ARHGEF3: variants seen among roughly 807,000 people sequenced by gnomAD.
The protein encoded by ARHGEF3 is Rho guanine nucleotide exchange factor 3.
Under a neutral mutation model 63.2 loss-of-function variants are expected in ARHGEF3, and 28 were observed. The ratio of observed to expected loss-of-function variants is 0.44; its 90% CI spans 0.33 to 0.61. The LOEUF is 0.61. ARHGEF3 is among the 20% of genes least tolerant of loss of function. The pLI is 0.03. For synonymous variants in ARHGEF3, 266 were observed against 254.2 expected, an observed-to-expected ratio of 1.05 and a Z score of -0.44; for missense variants, 533 against 659.3, an observed-to-expected ratio of 0.81 and a Z score of 2.10.
chr3:56,778,482 C>A (rs900039920), intron 1 of ARHGEF3, among the ~76,000 whole-genome samples: 1 of 152,298 alleles, frequency 6.6e-6, no homozygotes, highest in South Asian at 2.1e-4. Flanking sequence ...GTGGCTATAT[C>A]ATATTAAACA....
At chr3:56,816,109 A>G (rs1259256589) in intron 4 of ARHGEF3, among the ~76,000 whole-genome samples, 4 of 152,168 alleles carry the variant, frequency 2.6e-5, no homozygotes, top group Admixed American at 2.6e-4. Context: ...TAACTACTTT[A>G]GAAGCTGAGG....
chr3:57,014,251 A>G (rs963230009), intron 2 of ARHGEF3, among the ~76,000 whole-genome samples: 1 of 152,174 alleles, frequency 6.6e-6, no homozygotes, highest in Admixed American at 6.5e-5. Flanking sequence ...CGGACACACC[A>G]TCTTTAAGAA....
chr3:56,781,407 C>T (rs376080649), intron 1 of ARHGEF3, among the ~76,000 whole-genome samples: 24 of 150,472 alleles, frequency 1.6e-4, no homozygotes, highest in African/African-American at 4.6e-4. Flanking sequence ...CCACCATACC[C>T]GGCTAATTTT....
At chr3:57,061,574 A>G (rs1402264917) in intron 1 of ARHGEF3, among the ~76,000 whole-genome samples, 3 of 152,194 alleles carry the variant, frequency 2.0e-5, no homozygotes, top group Non-Finnish European at 4.4e-5. Flanking sequence ...CCTTTTGGCT[A>G]TTGTGAATAA....
intron 1 of ARHGEF3, among the ~76,000 whole-genome samples, chr3:57,065,415 T>C (rs914809207): frequency 2.0e-5 from 3 of 151,816 alleles, no homozygotes; most frequent in Non-Finnish European, 2.9e-5. Context: ...AAGCTGAGAT[T>C]ATGTCACTGC....
intron 3 of ARHGEF3, among the ~76,000 whole-genome samples, chr3:56,921,691 A>C (rs565903223): frequency 1.1e-4 from 17 of 152,338 alleles, no homozygotes; most frequent in Admixed American, 1.1e-3. Flanking sequence ...TATTGGACTC[A>C]AGGTGGTTCA....
At chr3:56,787,247 TGA>T (rs1453536647) in intron 1 of ARHGEF3, among the ~76,000 whole-genome samples, 2 of 152,164 alleles carry the variant, frequency 1.3e-5, no homozygotes, top group Non-Finnish European at 2.9e-5. Flanking sequence ...CCCCAACATT[TGA>T]GAGTCAAGCG....
chr3:56,744,982 C>T (rs1296357493), intron 7 of ARHGEF3, among the ~76,000 whole-genome samples: 5 of 152,162 alleles, frequency 3.3e-5, no homozygotes, highest in South Asian at 2.1e-4. Flanking sequence ...GACCTTACAG[C>T]GTGTTTCATG....
intron 1 of ARHGEF3, among the ~76,000 whole-genome samples, chr3:57,047,118 TG>T (rs112423832): frequency 5.9e-5 from 9 of 152,216 alleles, no homozygotes; most frequent in African/African-American, 2.2e-4. Context: ...GGAGCCAAGG[TG>T]GGCAGATCAC....
rs146080342 is a variant in ARHGEF3, at chr3:57,016,842, G to A, written c.62+18246C>T. ...GTCTTCTTTGTGGAGTGCAGCTGGC[G>A]GTTATGATAAGCAGGTGTCAGGACT... On this transcript the variant is annotated intron_variant, in intron 2 of 12. Transcript: ENST00000338458. 2.3e-3 allele frequency among the ~76,000 whole-genome samples: 343 copies of A among 152,086 alleles called. 4 individuals carry two copies. Among genetic ancestry groups the A allele is most frequent in the African/African-American group, 7.8e-3 (324 of 41,464 alleles).
intron 3 of ARHGEF3, among the ~76,000 whole-genome samples, chr3:56,919,812 A>G (rs2042080790): frequency 6.6e-6 from 1 of 152,244 alleles, no homozygotes; most frequent in South Asian, 2.1e-4. Flanking sequence ...ATTTAAAAAA[A>G]CTGAGACTCA....
chr3:56,905,874 CT>C (rs932529093), intron 3 of ARHGEF3, among the ~76,000 whole-genome samples: 61 of 151,070 alleles, frequency 4.0e-4, no homozygotes, highest in Non-Finnish European at 3.0e-5. Flanking sequence ...AAATTCACTT[CT>C]TTTTTTTGGA....
chr3:56,911,347 A>C (rs1170903579), intron 3 of ARHGEF3, among the ~76,000 whole-genome samples: 1 of 152,158 alleles, frequency 6.6e-6, no homozygotes, highest in Non-Finnish European at 1.5e-5. Flanking sequence ...GGGAAGCTAG[A>C]ATATGGACAG....
At chr3:57,070,877 TG>T (rs1417088381) in intron 1 of ARHGEF3, among the ~76,000 whole-genome samples, 1 of 145,306 alleles carries the variant, frequency 6.9e-6, no homozygotes, top group East Asian at 2.0e-4. Context: ...GAGGCTGAGG[TG>T]GGAGGATTGC....
At chr3:56,942,787 C>T (rs1699253077) in intron 3 of ARHGEF3, among the ~76,000 whole-genome samples, 1 of 152,132 alleles carries the variant, frequency 6.6e-6, no homozygotes, top group Admixed American at 6.6e-5. Flanking sequence ...CCAGTGAACA[C>T]ATAAAAAGAT....
chr3:56,995,361 G>C (rs1226949863), intron 2 of ARHGEF3, among the ~76,000 whole-genome samples: 2 of 151,894 alleles, frequency 1.3e-5, no homozygotes. Flanking sequence ...CTGATTTGTT[G>C]TATCAAAGAG....
In ARHGEF3 at chr3:57,013,948, C is replaced by T. The variant is rs531515421; in HGVS notation, c.62+21140G>A. Among the ~76,000 whole-genome samples, 11 of 152,322 alleles carry T rather than the reference C, an allele frequency of 7.2e-5. No individual in the cohort carries two copies. The East Asian group carries it at 1.2e-3, about 16-fold the overall frequency. ...GCAACTCTTTGGGTCAATTTCCACT[C>T]TGGGGAAGTTTTGTTCCTCTGCTCT... On this transcript the variant is annotated intron_variant, in intron 2 of 12. Coordinates refer to the ARHGEF3 transcript ENST00000338458.
chr3:56,967,096 C>CA (rs1438297635), intron 2 of ARHGEF3, among the ~76,000 whole-genome samples: 6 of 148,508 alleles, frequency 4.0e-5, no homozygotes, highest in Non-Finnish European at 8.9e-5. Flanking sequence ...CTCCCGACCT[C>CA]AAGTGATCTG....
At chr3:57,022,661 T>A (rs1703306189) in intron 2 of ARHGEF3, among the ~76,000 whole-genome samples, 1 of 151,674 alleles carries the variant, frequency 6.6e-6, no homozygotes. Context: ...TTGCCTAGGC[T>A]CAACCATCTC....
Sources: gnomAD v4.1 joint callset for allele counts (sites outside exome capture counted in the v4.1 genomes callset) on GRCh38, gnomAD v4.1.1 for gene constraint, MANE v1.5 for transcripts, NCBI Gene and HGNC (gene_info 2026-07-23, HGNC 2026-07-21) for gene names.